The following NKAIN3 variants were observed in gnomAD, a reference collection of about 807,000 sequenced individuals.
NKAIN3 encodes the protein sodium/potassium-transporting ATPase subunit beta-1-interacting protein 3.
Under a neutral mutation model 30.2 loss-of-function variants are expected in NKAIN3, and 25 were observed. That is an observed-to-expected ratio of 0.83 (90% confidence interval 0.60 to 1.16). The LOEUF is 1.16. Among genes scored for constraint, NKAIN3 ranks in the 50% most tolerant of loss-of-function variants. The pLI, the probability that NKAIN3 is intolerant of heterozygous loss-of-function variation, is 0.00. For synonymous variants in NKAIN3, 91 were observed against 89.6 expected (o/e 1.02, Z -0.09); for missense variants, 225 against 254.1 (o/e 0.89, Z 0.78).
chr8:62,506,702 T>G (rs551607453), intron 1 of NKAIN3, among the ~76,000 whole-genome samples: 2 of 152,190 alleles, frequency 1.3e-5, no homozygotes, highest in Admixed American at 6.5e-5. Context: ...CTCGAACTCC[T>G]GACCTCATGA....
At chr8:62,638,745 C>T (rs960257309) in intron 3 of NKAIN3, among the ~76,000 whole-genome samples, 1 of 152,064 alleles carries the variant, frequency 6.6e-6, no homozygotes, top group African/African-American at 2.4e-5. Context: ...GACCCCACAA[C>T]CATATATATT....
At chr8:62,891,515 G>A (rs554216916) in intron 4 of NKAIN3, among the ~76,000 whole-genome samples, 100 of 152,226 alleles carry the variant, frequency 6.6e-4, no homozygotes, top group African/African-American at 2.2e-3. Context: ...GTCAATTCTC[G>A]TAATAAACTC....
chr8:62,818,729 T>C (rs763252602), intron 4 of NKAIN3, among the ~76,000 whole-genome samples: 23 of 152,074 alleles, frequency 1.5e-4, no homozygotes, highest in Non-Finnish European at 3.1e-4. Flanking sequence ...GATAATTATA[T>C]GAAGTAAGTG....
At chr8:62,793,612 G>A (rs989446888) in intron 4 of NKAIN3, among the ~76,000 whole-genome samples, 1 of 152,126 alleles carries the variant, frequency 6.6e-6, no homozygotes, top group Non-Finnish European at 1.5e-5. Context: ...ACATGGAGAC[G>A]TAGTGGTAGG....
rs867948552 is a variant in NKAIN3, at chr8:62,975,352, G to C, written c.*9945G>C. 2.5e-4 allele frequency among the ~76,000 whole-genome samples: 38 copies of C among 151,964 alleles called. No homozygotes were observed. The highest frequency in any genetic ancestry group is 2.5e-3 in the Admixed American group (38 of 15,254). ...GCCTCAATTTCAGAACTTGTTATTG[G>C]TCTATTCAGGGATTCAACTTCTTCC... On this transcript the variant is annotated 3_prime_UTR_variant, in exon 7 of 7. Transcript: ENST00000623646.
At chr8:62,432,259 AT>A (rs1470105251) in intron 1 of NKAIN3, among the ~76,000 whole-genome samples, 3 of 152,014 alleles carry the variant, frequency 2.0e-5, no homozygotes, top group Non-Finnish European at 2.9e-5. Flanking sequence ...TGCAGAAGTG[AT>A]TTTATTTAAT....
chr8:62,821,403 AG>A (rs1818844310), intron 4 of NKAIN3, among the ~76,000 whole-genome samples: 1 of 152,108 alleles, frequency 6.6e-6, no homozygotes. Flanking sequence ...TCTTAACAAA[AG>A]TTTCTGGGAA....
chr8:62,266,804 G>T (rs565786821), intron 1 of NKAIN3, among the ~76,000 whole-genome samples: 168 of 152,262 alleles, frequency 1.1e-3, no homozygotes, highest in African/African-American at 3.9e-3. Context: ...CAACTCAAAG[G>T]TTACCACCCC....
At chr8:62,673,710 T>C (rs1195840298) in intron 3 of NKAIN3, among the ~76,000 whole-genome samples, 1 of 152,234 alleles carries the variant, frequency 6.6e-6, no homozygotes, top group Admixed American at 6.5e-5. Context: ...TCTCCTAGGC[T>C]ACAAACCTGT....
At chr8:62,899,130 T>C (rs1199591368) in intron 4 of NKAIN3, among the ~76,000 whole-genome samples, 1 of 152,156 alleles carries the variant, frequency 6.6e-6, no homozygotes, top group Non-Finnish European at 1.5e-5. Context: ...ATACTGTTGA[T>C]GGGAATGTAA....
rs150694747 is a variant in NKAIN3 at position 62,642,772 on chromosome 8, G to T, written c.273+52978G>T. On this transcript the variant is annotated intron_variant, in intron 3 of 6. Transcript: ENST00000623646. ...TCGTGTTAAGTACAAATGAAATAATGATGAGCTTTATGTAGGCAGATTCCT... is the reference window on the plus strand; with the variant it reads ...TCGTGTTAAGTACAAATGAAATAATTATGAGCTTTATGTAGGCAGATTCCT... Among the ~76,000 whole-genome samples, 27 of 152,124 alleles carry T rather than the reference G, an allele frequency of 1.8e-4. No homozygotes were observed. The East Asian group carries it at 5.0e-3, about 28-fold the overall frequency.
chr8:62,930,780 T>C (rs932909295), intron 5 of NKAIN3, among the ~76,000 whole-genome samples: 3 of 151,808 alleles, frequency 2.0e-5, no homozygotes, highest in Non-Finnish European at 4.4e-5. Flanking sequence ...CTCGGCTCAC[T>C]GCATGCTCTG....
At chr8:62,566,834 T>C (rs1209063246) in intron 1 of NKAIN3, among the ~76,000 whole-genome samples, 1 of 152,140 alleles carries the variant, frequency 6.6e-6, no homozygotes, top group Non-Finnish European at 1.5e-5. Context: ...GATCATTAAG[T>C]ATCACTAGAC....
At chr8:62,494,532 C>G (rs1363196415) in intron 1 of NKAIN3, among the ~76,000 whole-genome samples, 2 of 152,036 alleles carry the variant, frequency 1.3e-5, no homozygotes, top group African/African-American at 4.8e-5. Context: ...GCTGGCCTCA[C>G]AGAATGAGTT....
intron 5 of NKAIN3, among the ~76,000 whole-genome samples, chr8:62,943,152 T>C (rs948851436): frequency 1.3e-5 from 2 of 152,014 alleles, no homozygotes; most frequent in Non-Finnish European, 2.9e-5. Context: ...AAACGACTAA[T>C]ATCCAATATC....
chr8:62,872,228 G>A (rs554077354), intron 4 of NKAIN3, among the ~76,000 whole-genome samples: 1 of 152,182 alleles, frequency 6.6e-6, no homozygotes, highest in African/African-American at 2.4e-5. Context: ...AAAAGCACCT[G>A]ATGATGCCAT....
intron 1 of NKAIN3, among the ~76,000 whole-genome samples, chr8:62,409,064 G>A (rs1804160671): frequency 6.6e-6 from 1 of 152,168 alleles, no homozygotes; most frequent in African/African-American, 2.4e-5. Context: ...TCACTGGTGA[G>A]ATTGACATTT....
At chr8:62,749,709 T>C (rs1306638563) in intron 4 of NKAIN3, among the ~76,000 whole-genome samples, 1 of 138,570 alleles carries the variant, frequency 7.2e-6, no homozygotes. Context: ...TAAGACGGAG[T>C]TTTGCTCTTG....
chr8:62,641,765 T>C (rs914254057), intron 3 of NKAIN3, among the ~76,000 whole-genome samples: 1 of 152,172 alleles, frequency 6.6e-6, no homozygotes, highest in Non-Finnish European at 1.5e-5. Flanking sequence ...CAAGAGAATG[T>C]GTGTGAGAAC....
Sources: gnomAD v4.1 joint callset for allele counts (sites outside exome capture counted in the v4.1 genomes callset) on GRCh38, gnomAD v4.1.1 for gene constraint, MANE v1.5 for transcripts, NCBI Gene and HGNC (gene_info 2026-07-23, HGNC 2026-07-21) for gene names.